Variants in RGS20 observed in about 807,000 individuals in gnomAD.
RGS20 encodes the protein regulator of G protein signaling 20, also known as gz-selective GTPase-activating protein.
Under a neutral mutation model 33.6 loss-of-function variants are expected in RGS20, and 30 were observed. The ratio of observed to expected loss-of-function variants is 0.89; its 90% CI spans 0.67 to 1.21. The LOEUF is 1.21. Ranked by LOEUF, RGS20 falls within the 50% of genes most tolerant of loss-of-function variation. The pLI is 0.00. For synonymous variants in RGS20, 208 were observed against 197.9 expected, an observed-to-expected ratio of 1.05 and a Z score of -0.43; for missense variants, 472 against 502.4, an observed-to-expected ratio of 0.94 and a Z score of 0.58.
chr8:53,863,252 G>A (rs938989937), intron 1 of RGS20, among the ~76,000 whole-genome samples: 2 of 152,106 alleles, frequency 1.3e-5, no homozygotes, highest in Admixed American at 6.5e-5. Flanking sequence ...CTCCCAAAGT[G>A]TTGGGATTAC....
At chr8:53,872,792 C>T (rs530469046) in intron 1 of RGS20, among the ~76,000 whole-genome samples, 3 of 152,292 alleles carry the variant, frequency 2.0e-5, no homozygotes, top group East Asian at 1.9e-4. Context: ...GCCGTCCTTC[C>T]TCCCTGAATG....
At chr8:53,897,008 A>T (rs1290302842) in intron 2 of RGS20, among the ~76,000 whole-genome samples, 1 of 152,238 alleles carries the variant, frequency 6.6e-6, no homozygotes, top group Non-Finnish European at 1.5e-5. Flanking sequence ...GCTACTGTCC[A>T]CGGGGGATCA....
rs1224818519 is a variant in RGS20, at chr8:53,875,446, AAAAACC to A, written c.166-3807_166-3802del. ...GACTCTGTCAAAAAAAAAAAAAAAA[AAAAACC>A]AAAAAAACCAAAAAAACTAAAAAAC... is the stretch of plus-strand genomic sequence containing the variant. On this transcript the variant is annotated intron_variant, in intron 1 of 5. Transcript: ENST00000297313. 1.4e-3 allele frequency among the ~76,000 whole-genome samples: 211 copies of A among 147,990 alleles called. 3 individuals carry two copies. Among genetic ancestry groups the A allele is most frequent in the African/African-American group, 5.1e-3 (202 of 39,406 alleles).
intron 2 of RGS20, among the ~76,000 whole-genome samples, chr8:53,887,717 C>T (rs1162362621): frequency 6.6e-6 from 1 of 152,212 alleles, no homozygotes; most frequent in African/African-American, 2.4e-5. Flanking sequence ...TGGCTCACGC[C>T]TGTAATTCCC....
At chr8:53,935,929 C>A (rs919681925) in intron 2 of RGS20, among the ~76,000 whole-genome samples, 1 of 152,196 alleles carries the variant, frequency 6.6e-6, no homozygotes, top group African/African-American at 2.4e-5. Context: ...CCCTGGGATG[C>A]AAGGCTGGTT....
At chr8:53,927,202 T>C (rs1424933205) in intron 2 of RGS20, among the ~76,000 whole-genome samples, 1 of 80,850 alleles carries the variant, frequency 1.2e-5, no homozygotes, top group Non-Finnish European at 2.1e-5. Context: ...TTTTGGGGCG[T>C]TTTTTTTTTT....
chr8:53,890,120 T>G (rs1033215939), intron 2 of RGS20, among the ~76,000 whole-genome samples: 1 of 152,186 alleles, frequency 6.6e-6, no homozygotes, highest in Non-Finnish European at 1.5e-5. Flanking sequence ...TTTTCCTTCA[T>G]GTCTCTTATT....
chr8:53,854,535 A>C (rs1293070648), intron 1 of RGS20, among the ~76,000 whole-genome samples: 1 of 152,228 alleles, frequency 6.6e-6, no homozygotes, highest in Non-Finnish European at 1.5e-5. Context: ...ATCACTACAC[A>C]CCGAGAAGAA....
rs1243034652 is a variant in RGS20, at chr8:53,894,306, A to G, written c.510+14704A>G. Among the ~76,000 whole-genome samples, 3 of 152,288 alleles carry G rather than the reference A, an allele frequency of 2.0e-5. No individual in the cohort carries two copies. The East Asian group carries it at 5.8e-4, about 29-fold the overall frequency. ...GTTTGTTCAACATATCTACTATTTG[A>G]CACTTCACACCAAGGGGGAGGGAGA... On this transcript the variant is annotated intron_variant, in intron 2 of 5. Transcript: ENST00000297313.
intron 2 of RGS20, among the ~76,000 whole-genome samples, chr8:53,920,329 T>C (rs1813606170): frequency 6.6e-6 from 1 of 152,220 alleles, no homozygotes; most frequent in South Asian, 2.1e-4. Context: ...TCACTGCTAG[T>C]GTACAGAAAT....
At chr8:53,952,599 A>C (rs1337011163) in intron 4 of RGS20, among the ~76,000 whole-genome samples, 1 of 151,404 alleles carries the variant, frequency 6.6e-6, no homozygotes, top group African/African-American at 2.4e-5. Flanking sequence ...GGTGGTAAGC[A>C]CCTGTAATCC....
intron 1 of RGS20, among the ~76,000 whole-genome samples, chr8:53,869,761 C>T (rs1812015809): frequency 6.6e-6 from 1 of 152,174 alleles, no homozygotes; most frequent in Non-Finnish European, 1.5e-5. Context: ...AGGCTACACA[C>T]ACCAAGAGAA....
At chr8:53,923,171 A>G (rs1813698157) in intron 2 of RGS20, among the ~76,000 whole-genome samples, 1 of 152,148 alleles carries the variant, frequency 6.6e-6, no homozygotes, top group South Asian at 2.1e-4. Context: ...TGTTATAATT[A>G]CTGCTTTATA....
At chr8:53,957,252 G>C (rs554966908) in intron 5 of RGS20, among the ~76,000 whole-genome samples, 1 of 152,146 alleles carries the variant, frequency 6.6e-6, no homozygotes, top group Admixed American at 6.5e-5. Flanking sequence ...TCGGCCTCCC[G>C]AGTAGCTGGG....
intron 2 of RGS20, among the ~76,000 whole-genome samples, chr8:53,920,092 C>A (rs1035589867): frequency 4.6e-5 from 7 of 152,084 alleles, no homozygotes; most frequent in Non-Finnish European, 1.0e-4. Context: ...CTAGGCTGAT[C>A]TTAAACTCCT....
intron 2 of RGS20, among the ~76,000 whole-genome samples, chr8:53,936,772 A>G (rs1006621769): frequency 6.6e-6 from 1 of 152,204 alleles, no homozygotes; most frequent in Non-Finnish European, 1.5e-5. Context: ...ACCAAAAAAG[A>G]GTTTGTATAG....
At chr8:53,882,018 G>C (rs1812399497) in intron 2 of RGS20, among the ~76,000 whole-genome samples, 2 of 152,112 alleles carry the variant, frequency 1.3e-5, no homozygotes, top group East Asian at 1.9e-4. Flanking sequence ...GGGAGCGGAC[G>C]GGCCAGGGGC....
At chr8:53,852,907 T>C (rs1312653368) in intron 1 of RGS20, among the ~76,000 whole-genome samples, 1 of 152,166 alleles carries the variant, frequency 6.6e-6, no homozygotes, top group Non-Finnish European at 1.5e-5. Context: ...CCTAATGTTA[T>C]TTTAACCATT....
intron 4 of RGS20, among the ~76,000 whole-genome samples, chr8:53,947,150 GTATA>G (rs1363464439): frequency 1.4e-5 from 2 of 142,554 alleles, no homozygotes; most frequent in Admixed American, 1.4e-4. Context: ...ATATGATATA[GTATA>G]TATATTTATA....
Sources: gnomAD v4.1 joint callset for allele counts (sites outside exome capture counted in the v4.1 genomes callset) on GRCh38, gnomAD v4.1.1 for gene constraint, MANE v1.5 for transcripts, NCBI Gene and HGNC (gene_info 2026-07-23, HGNC 2026-07-21) for gene names.